Variants in TMEM116 observed in about 807,000 individuals in gnomAD.
TMEM116 encodes transmembrane protein 116.
A neutral mutation model predicts 44.3 loss-of-function variants in TMEM116; 38 were observed. The observed-to-expected ratio is 0.86, with a 90% confidence interval of 0.66 to 1.12. The LOEUF (loss-of-function observed/expected upper bound fraction) is 1.12. TMEM116 is among the 50% of genes most tolerant of loss of function. The pLI, the probability that TMEM116 is intolerant of heterozygous loss-of-function variation, is 0.00. For synonymous variants in TMEM116, 132 were observed against 144.8 expected (o/e 0.91, Z 0.64); for missense variants, 354 against 401.7 (o/e 0.88, Z 1.01).
At chr12:111,976,274 G>A (rs891296219) in intron 4 of TMEM116, among the ~76,000 whole-genome samples, 26 of 152,110 alleles carry the variant, frequency 1.7e-4, no homozygotes, top group African/African-American at 6.3e-4. Flanking sequence ...AGACAATGGG[G>A]TAAGGGAGGG....
intron 4 of TMEM116, among the ~76,000 whole-genome samples, chr12:111,943,757 G>A (rs1358702882): frequency 6.6e-6 from 1 of 151,936 alleles, no homozygotes; most frequent in Non-Finnish European, 1.5e-5. Flanking sequence ...GGCTGGTCTC[G>A]AACTCCTGAC....
At chr12:111,989,624 A>G (rs2076428422) in intron 4 of TMEM116, among the ~76,000 whole-genome samples, 1 of 152,238 alleles carries the variant, frequency 6.6e-6, no homozygotes, top group Non-Finnish European at 1.5e-5. Context: ...AGTATTCATG[A>G]CATTTAAGTT....
intron 7 of TMEM116, 75 bp from the exon 8 acceptor site, chr12:111,936,905 A>T: frequency 6.9e-7 from 1 of 1,458,562 alleles, no homozygotes; most frequent in Non-Finnish European, 9.3e-7. Context: ...CTTAATAAGC[A>T]TGTTATTTTA....
intron 3 of TMEM116, among the ~76,000 whole-genome samples, chr12:111,999,281 G>C (rs185951317): frequency 9.9e-5 from 15 of 151,590 alleles, no homozygotes; most frequent in Non-Finnish European, 2.1e-4. Context: ...TATTTACAAA[G>C]AGGCCATTCT....
At chr12:111,948,118 G>T (rs999337587) in intron 4 of TMEM116, among the ~76,000 whole-genome samples, 4 of 152,152 alleles carry the variant, frequency 2.6e-5, no homozygotes, top group Non-Finnish European at 5.9e-5. Flanking sequence ...AGCCTAGCAG[G>T]TACAAGGTAA....
chr12:111,964,426 CAG>C (rs1224489255), intron 4 of TMEM116, among the ~76,000 whole-genome samples: 3 of 141,964 alleles, frequency 2.1e-5, no homozygotes. Flanking sequence ...TGGCAACAGA[CAG>C]AGACTCCATC....
chr12:111,977,375 A>T (rs11066111), intron 4 of TMEM116, among the ~76,000 whole-genome samples: 29,776 of 152,144 alleles, frequency 0.2, 3,129 homozygotes, highest in Middle Eastern at 0.27. Flanking sequence ...ATCCAGTAAA[A>T]TTATTCTATA....
Position 111,932,642 on chromosome 12 carries a change from T to A in TMEM116, c.751A>T (p.Ile251Leu). ...GTGTCCTGTGGCTTAGTCAGCTTTA[T>A]GATCATTAGAATGACAGCTGTGAAT... is the stretch of plus-strand genomic sequence containing the variant. ...CWGPAVILMI[I>L]KLTKPQDTKL... is the part of the protein sequence containing the mutation. The change falls in exon 10 of 11, where the codon ATA becomes TTA. Residue 251 changes from isoleucine to leucine, a missense_variant. Coordinates refer to ENST00000552374, the MANE Select transcript of TMEM116 (RefSeq NM_001193531.2). 1 of 1,614,186 alleles carries A rather than the reference T, an allele frequency of 6.2e-7. No homozygotes were observed. The highest frequency in any genetic ancestry group is 8.5e-7 in the Non-Finnish European group (1 of 1,179,994).
At chr12:111,996,531 C>T (rs1485163897) in intron 3 of TMEM116, among the ~76,000 whole-genome samples, 1 of 151,954 alleles carries the variant, frequency 6.6e-6, no homozygotes, top group Non-Finnish European at 1.5e-5. Context: ...CTGATAACAG[C>T]AAGTATTAAC....
At chr12:111,932,452 G>A (rs1219796292) in intron 10 of TMEM116, 134 bp downstream of exon 10, 2 of 732,068 alleles carry the variant, frequency 2.7e-6, no homozygotes, top group Non-Finnish European at 4.6e-6. Context: ...ATAACTGAGT[G>A]TAAATAATAC....
intron 8 of TMEM116, 66 bp from the exon 9 acceptor site, chr12:111,934,096 C>G (rs2071917373): frequency 6.6e-7 from 1 of 1,518,340 alleles, no homozygotes; most frequent in Admixed American, 1.9e-5. Flanking sequence ...GTCTATCCTC[C>G]TATCATTTTA....
Position 112,005,479 on chromosome 12 carries a change from C to T in TMEM116, c.-33-176G>A, listed in dbSNP as rs139907767. 1.5e-3 allele frequency: 739 copies of T among 486,336 alleles called. 2 individuals carry two copies. The highest frequency in any genetic ancestry group is 0.011 in the Middle Eastern group (18 of 1,688). 30.1% of individuals were successfully genotyped at this position (486,336 alleles called of 1,614,324 possible). ...AACAGGCCCCTGGAAAGACAAGGTGCTCCTTTTTTCCTCTCTTATTTCTAT... is the reference window on the plus strand; with the variant it reads ...AACAGGCCCCTGGAAAGACAAGGTGTTCCTTTTTTCCTCTCTTATTTCTAT... On this transcript the variant is annotated intron_variant, in intron 1 of 10. Coordinates refer to ENST00000552374, the MANE Select transcript of TMEM116 (RefSeq NM_001193531.2).
intron 4 of TMEM116, among the ~76,000 whole-genome samples, chr12:111,977,758 G>C (rs1690381085): frequency 6.6e-6 from 1 of 151,968 alleles, no homozygotes; most frequent in Non-Finnish European, 1.5e-5. Flanking sequence ...AATATTATAA[G>C]AGACAGGAAA....
intron 1 of TMEM116, chr12:112,012,504 C>T: frequency 6.6e-6 from 1 of 152,490 alleles, no homozygotes; most frequent in East Asian, 1.9e-4. Context: ...GTCTCGAACT[C>T]CTGACCTCAG....
chr12:111,975,626 G>A (rs908507438), intron 4 of TMEM116, among the ~76,000 whole-genome samples: 1 of 152,128 alleles, frequency 6.6e-6, no homozygotes, highest in African/African-American at 2.4e-5. Flanking sequence ...CAGTTCCAAT[G>A]AGCAAAGAGC....
chr12:111,987,741 C>T (rs951175136), intron 4 of TMEM116, among the ~76,000 whole-genome samples: 2 of 152,184 alleles, frequency 1.3e-5, no homozygotes, highest in Non-Finnish European at 2.9e-5. Context: ...GTGCACTGTG[C>T]ACTGCTGTTA....
At chr12:112,001,540 G>C (rs114618791) in intron 3 of TMEM116, among the ~76,000 whole-genome samples, 2,553 of 152,250 alleles carry the variant, frequency 0.017, 81 homozygotes, top group African/African-American at 0.056. Flanking sequence ...TTTACTACTA[G>C]TATCCAGCTG....
At chr12:111,971,158 G>A (rs542967447) in intron 4 of TMEM116, among the ~76,000 whole-genome samples, 9 of 152,206 alleles carry the variant, frequency 5.9e-5, no homozygotes, top group Non-Finnish European at 1.2e-4. Flanking sequence ...GTTAAAGGGT[G>A]ACATTTAGGC....
intron 4 of TMEM116, among the ~76,000 whole-genome samples, chr12:111,981,260 G>A (rs78231177): frequency 0.012 from 1,893 of 152,106 alleles, 44 homozygotes; most frequent in African/African-American, 0.044. Flanking sequence ...CTTTTTTTGA[G>A]CTCTAGAATC....
Sources: gnomAD v4.1 joint callset for allele counts (sites outside exome capture counted in the v4.1 genomes callset) on GRCh38, gnomAD v4.1.1 for gene constraint, MANE v1.5 for transcripts, NCBI Gene and HGNC (gene_info 2026-07-23, HGNC 2026-07-21) for gene names.